Variants in PGM2 observed in about 807,000 individuals in gnomAD.
PGM2 encodes the protein phosphopentomutase.
In PGM2, 57 loss-of-function variants were observed where a neutral mutation model predicts 74.6. The observed-to-expected ratio is 0.76, with a 90% CI of 0.62 to 0.95. The LOEUF (loss-of-function observed/expected upper bound fraction) is 0.95. Among genes scored for constraint, PGM2 ranks in the 40% least tolerant of loss-of-function variants. The pLI is 0.00. For synonymous variants in PGM2, 273 were observed against 260.7 expected, an observed-to-expected ratio of 1.05 and a Z score of -0.46; for missense variants, 706 against 741.9, an observed-to-expected ratio of 0.95 and a Z score of 0.56.
chr4:37,840,363 A>G, intron 6 of PGM2, 104 bp downstream of exon 6: 1 of 677,496 alleles, frequency 1.5e-6, no homozygotes, highest in Non-Finnish European at 2.6e-6. Context: ...CATGTACTAC[A>G]GCTGCATCTG....
intron 11 of PGM2, 142 bp from the exon 12 acceptor site, chr4:37,850,042 C>A (rs1725994431): frequency 1.9e-6 from 1 of 532,122 alleles, no homozygotes; most frequent in African/African-American, 2.0e-5. Flanking sequence ...CCCGCCTCGG[C>A]CTCACAAAGT....
At chr4:37,842,492 G>A (rs148243408) in intron 6 of PGM2, among the ~76,000 whole-genome samples, 115 of 150,782 alleles carry the variant, frequency 7.6e-4, no homozygotes, top group Middle Eastern at 3.5e-3. Context: ...TAGGAAAGCA[G>A]ATTAGATTTT....
At chr4:37,845,505 G>C in intron 7 of PGM2, 128 bp from the exon 8 acceptor site, 2 of 625,506 alleles carry the variant, frequency 3.2e-6, no homozygotes. Flanking sequence ...AGCTGTCTTG[G>C]TTGGTCCTAT....
intron 2 of PGM2, among the ~76,000 whole-genome samples, chr4:37,831,192 CAAAAAAAAAAA>C (rs11432971): frequency 2.7e-5 from 2 of 74,092 alleles, no homozygotes; most frequent in South Asian, 5.7e-4. Flanking sequence ...GACTCTGTCT[CAAAAAAAAAAA>C]AAAAAAAAAA....
chr4:37,847,589 C>T, intron 10 of PGM2: 1 of 363,556 alleles, frequency 2.8e-6, no homozygotes, highest in Admixed American at 4.3e-5. Flanking sequence ...ATGTTTCCTC[C>T]ACTGTGGTGG....
chr4:37,857,586 C>T (rs540888427), intron 13 of PGM2, among the ~76,000 whole-genome samples: 1 of 152,122 alleles, frequency 6.6e-6, no homozygotes, highest in East Asian at 1.9e-4. Flanking sequence ...CATTCTACAC[C>T]CAAGTGAGCC....
At chr4:37,827,802 G>T (rs933504946) in intron 1 of PGM2, among the ~76,000 whole-genome samples, 6 of 152,092 alleles carry the variant, frequency 3.9e-5, no homozygotes, top group African/African-American at 1.4e-4. Context: ...CAGGACTCGC[G>T]CTCCTTGAAG....
In PGM2 at chr4:37,830,068, C is replaced by G. The variant is rs1355567159; in HGVS notation, c.186C>G (p.Leu62=). 6.2e-7 allele frequency: 1 copy of G among 1,607,560 alleles called. No individual in the cohort carries two copies. The highest frequency in any genetic ancestry group is 8.5e-7 in the Non-Finnish European group (1 of 1,177,000). Residue 62 remains leucine (L), a synonymous_variant, in exon 2 of 14, where the codon CTC becomes CTG. Transcript: ENST00000381967. ...GAATGGAGTTTGGGACAGCTGGCCTCCGAGCTGCTATGGGACCTGGAATTT... is the reference window on the plus strand; with the variant it reads ...GAATGGAGTTTGGGACAGCTGGCCTGCGAGCTGCTATGGGACCTGGAATTT... ...GARMEFGTAG[L]RAAMGPGISR...
chr4:37,826,862 C>A, intron 1 of PGM2, 49 bp downstream of exon 1: 1 of 1,207,128 alleles, frequency 8.3e-7, no homozygotes, highest in Non-Finnish European at 1.2e-6. Flanking sequence ...GCCGGGTGCT[C>A]TGCCCTCTCC....
chr4:37,847,459 A>G (rs1725908541), intron 10 of PGM2, 164 bp downstream of exon 10: 1 of 581,372 alleles, frequency 1.7e-6, no homozygotes, highest in Non-Finnish European at 3.0e-6. Context: ...CAGATGATTT[A>G]CAGCCAAAAG....
intron 4 of PGM2, 82 bp from the exon 5 acceptor site, chr4:37,839,766 G>T: frequency 2.5e-6 from 2 of 801,728 alleles, no homozygotes; most frequent in South Asian, 2.8e-5. Context: ...AAGTTGGCAT[G>T]AACAGTATAA....
rs571166996 is a variant in PGM2 at position 37,843,918 on chromosome 4, C to T, written c.720-446C>T. 2.0e-5 allele frequency among the ~76,000 whole-genome samples: 3 copies of T among 152,260 alleles called. No homozygotes were observed. The South Asian group carries it at 6.2e-4, about 32-fold the overall frequency. On this transcript the variant is annotated intron_variant, in intron 6 of 13. Coordinates refer to ENST00000381967, the MANE Select transcript of PGM2 (RefSeq NM_018290.4). ...TCTTTATGTATGGGATAACCCAACA[C>T]ATTTTGTTAAAAAGGACATTTTGAA...
chr4:37,840,183 A>G lies in PGM2; in HGVS notation c.643A>G (p.Ser215Gly), dbSNP rs1412179402. The change falls in exon 6 of 14, where the codon AGT becomes GGT. Residue 215 changes from serine (S) to glycine (G), a missense_variant. Transcript: ENST00000381967. ...QAWDDSLIDS[S>G]PLLHNPSASI... ...TTGGGACGATTCTTTAATTGATAGC[A>G]GTCCACTTCTCCACAATCCGAGTGC... 1 of 1,612,632 alleles carries G rather than the reference A, an allele frequency of 6.2e-7. No individual in the cohort carries two copies. Among genetic ancestry groups the G allele is most frequent in the African/African-American group, 1.3e-5 (1 of 74,886 alleles).
chr4:37,845,613 A>T lies in PGM2; in HGVS notation c.910-20A>T. The T allele has an allele frequency of 6.6e-7, 1 of 1,517,056 alleles. No homozygotes were observed. Among genetic ancestry groups the T allele is most frequent in the Non-Finnish European group, 9.2e-7 (1 of 1,091,736 alleles). The allele number at this position is 1,517,056 out of a possible 1,614,324, so 94.0% of individuals were successfully genotyped here. A position where few individuals can be genotyped will look rare whatever the true frequency, so the allele number is the denominator to read the frequency against. ...TCGATTCTTGATTAAATAATCTTTT[A>T]TTTTCATATTCTTCTTCAGACTTTG... On this transcript the variant is annotated intron_variant, in intron 7 of 13. Transcript: ENST00000381967.
chr4:37,860,282 T>C (rs1711722443), intron 13 of PGM2, among the ~76,000 whole-genome samples: 2 of 152,242 alleles, frequency 1.3e-5, no homozygotes, highest in Admixed American at 1.3e-4. Context: ...ATAATTCATA[T>C]GTACTTAAAA....
At chr4:37,843,573 C>G (rs1725786074) in intron 6 of PGM2, among the ~76,000 whole-genome samples, 1 of 151,360 alleles carries the variant, frequency 6.6e-6, no homozygotes. Context: ...AGGATTGTTA[C>G]TTGGCAAACA....
rs779083245 is a variant in PGM2 at position 37,850,301 on chromosome 4, T to G, written c.1530T>G (p.Cys510Trp). Residue 510 changes from cysteine to tryptophan, a missense_variant, in exon 12 of 14, where the codon TGT (cysteine) becomes TGG (tryptophan). Cys to Trp is a radical substitution (Grantham distance 215, BLOSUM62 -2). Coordinates refer to ENST00000381967, the MANE Select transcript of PGM2 (RefSeq NM_018290.4). ...GAAAAAATAATTATCCAAAAGCTTG[T>G]GGCAAATTTGAAATTTCTGCCATTA... is the stretch of plus-strand genomic sequence containing the variant. ...YDGKNNYPKACGKFEISAIRD... is the reference protein window; with the variant it reads ...YDGKNNYPKAWGKFEISAIRD... 1 of 1,591,892 alleles carries G rather than the reference T, an allele frequency of 6.3e-7. No individual in the cohort carries two copies. Among genetic ancestry groups the G allele is most frequent in the Non-Finnish European group, 8.5e-7 (1 of 1,173,732 alleles).
At chr4:37,838,373 G>A (rs1725624270) in intron 4 of PGM2, among the ~76,000 whole-genome samples, 2 of 152,142 alleles carry the variant, frequency 1.3e-5, no homozygotes, top group East Asian at 1.9e-4. Flanking sequence ...GAGCATGCTC[G>A]GCATATTTGA....
chr4:37,850,451 T>C (rs1726008691), intron 12 of PGM2, 78 bp downstream of exon 12: 17 of 883,090 alleles, frequency 1.9e-5, no homozygotes, highest in Non-Finnish European at 2.8e-5. Flanking sequence ...TATTTAACCA[T>C]ACAATTAATT....
Sources: gnomAD v4.1 joint callset for allele counts (sites outside exome capture counted in the v4.1 genomes callset) on GRCh38, gnomAD v4.1.1 for gene constraint, MANE v1.5 for transcripts, NCBI Gene and HGNC (gene_info 2026-07-23, HGNC 2026-07-21) for gene names.